MLLT1: variants seen among roughly 807,000 people sequenced by gnomAD.
MLLT1 encodes MLLT1 super elongation complex subunit.
A neutral mutation model predicts 55.1 loss-of-function variants in MLLT1; 11 were observed. The observed-to-expected ratio is 0.20, with a 90% CI of 0.13 to 0.33. The LOEUF is 0.33. Ranked by LOEUF, MLLT1 falls within the 10% of genes least tolerant of loss-of-function variation. The pLI is 1.00. For missense variants in MLLT1, 536 were observed against 760.6 expected, an observed-to-expected ratio of 0.70 and a Z score of 3.47; for synonymous variants, 323 against 320.1, an observed-to-expected ratio of 1.01 and a Z score of -0.10.
intron 10 of MLLT1, 85 bp downstream of exon 10, chr19:6,213,639 TGG>T: frequency 7.6e-7 from 1 of 1,321,550 alleles, no homozygotes; most frequent in Non-Finnish European, 1.1e-6. Flanking sequence ...TGTGGGGTGT[TGG>T]GGGGCTCTGG....
Position 6,222,278 on chromosome 19 carries a change from G to T in MLLT1, c.953C>A (p.Thr318Asn). The change falls in exon 6 of 12, where the codon ACC becomes AAC. Residue 318 changes from threonine to asparagine, a missense_variant. Physicochemically the swap from Thr to Asn is moderately conservative, Grantham distance 65. Transcript: ENST00000252674. The surrounding 1 kb of genome is among the most constrained non-coding windows in gnomAD (Gnocchi z 4.1). ...SRSAPGTSPR[T>N]SSSSSFSDKK... Reference sequence around the variant, plus strand: ...GTCCGAGAAGGAGGAGGAGGAGGAGGTGCGGGGCGAGGTGCCTGGAGCACT... The same window carrying T: ...GTCCGAGAAGGAGGAGGAGGAGGAGTTGCGGGGCGAGGTGCCTGGAGCACT... The T allele has an allele frequency of 6.2e-7, 1 of 1,611,356 alleles. No homozygotes were observed. Among genetic ancestry groups the T allele is most frequent in the Non-Finnish European group, 8.5e-7 (1 of 1,178,984 alleles).
chr19:6,272,753 T>C (rs1333990659), intron 1 of MLLT1, among the ~76,000 whole-genome samples: 1 of 152,198 alleles, frequency 6.6e-6, no homozygotes, highest in African/African-American at 2.4e-5. Context: ...GAGTTCTAAA[T>C]GCTGCTTTTG....
chr19:6,210,545 G>A lies in MLLT1; in HGVS notation c.*2497C>T, dbSNP rs756694095. ...CCAGGAGTTGGTCTCGGGCCGATGA[G>A]TGTCCTAGTTCCTAGTGAGACACGT... On this transcript the variant is annotated 3_prime_UTR_variant, in exon 12 of 12. Transcript: ENST00000252674. This position sits in a 1 kb window ranked among gnomAD's most constrained non-coding sequence, Gnocchi z 4.6. The A allele has an allele frequency of 5.0e-5, 11 of 219,702 alleles. No individual in the cohort carries two copies. Among genetic ancestry groups the A allele is most frequent in the Non-Finnish European group, 9.1e-5 (10 of 109,382 alleles). 13.6% of individuals were successfully genotyped at this position (219,702 alleles called of 1,614,324 possible). A position where few individuals can be genotyped will look rare whatever the true frequency, so the allele number is the denominator to read the frequency against.
At chr19:6,215,186 C>T (rs371763452) in intron 8 of MLLT1, among the ~76,000 whole-genome samples, 4 of 152,374 alleles carry the variant, frequency 2.6e-5, no homozygotes, top group South Asian at 2.1e-4. Context: ...GGGACAAGGC[C>T]GGCAAGCCCT....
At position 6,222,436 on chromosome 19, in the gene MLLT1, G is replaced by C. The variant is rs908990809; in HGVS notation, c.795C>G (p.Ser265Arg). The C allele has an allele frequency of 1.3e-6, 2 of 1,550,680 alleles. No homozygotes were observed. The highest frequency in any genetic ancestry group is 1.7e-6 in the Non-Finnish European group (2 of 1,151,946). ...KMALKETKLESTSPKGGPPPP... is the reference protein window; with the variant it reads ...KMALKETKLERTSPKGGPPPP... ...GTGGGGGCCCACCCTTGGGGGACGT[G>C]CTTTCCAGCTTGGTCTCTTTCAGGG... is the stretch of plus-strand genomic sequence containing the variant. Residue 265 changes from serine (S) to arginine (R), a missense_variant, in exon 6 of 12, where the codon AGC becomes AGG. By Grantham distance (110) the Ser-to-Arg change is moderately radical. This residue lies in a region of MLLT1 where 449 missense variants were observed against 489.0 expected (regional missense o/e 0.92). Transcript: ENST00000252674. This position sits in a 1 kb window ranked among gnomAD's most constrained non-coding sequence, Gnocchi z 4.1.
At chr19:6,225,654 G>C (rs1382211034) in intron 5 of MLLT1, among the ~76,000 whole-genome samples, 2 of 152,190 alleles carry the variant, frequency 1.3e-5, no homozygotes, top group East Asian at 3.9e-4. Flanking sequence ...CGGAGAGGGT[G>C]GAGCCCACAG....
Position 6,256,657 on chromosome 19 carries a change from G to A in MLLT1, c.276+5571C>T, listed in dbSNP as rs1388656687. Among the ~76,000 whole-genome samples the A allele has an allele frequency of 2.0e-5, 3 of 152,092 alleles. No individual in the cohort carries two copies. The highest frequency in any genetic ancestry group is 2.0e-4 in the Admixed American group (3 of 15,270). ...TAGTCCCAGCTACTCGGGAGGCTGAGGCAGGAGAATGGTGTGAACCCGGGA... is the reference window on the plus strand; with the variant it reads ...TAGTCCCAGCTACTCGGGAGGCTGAAGCAGGAGAATGGTGTGAACCCGGGA... On this transcript the variant is annotated intron_variant, in intron 3 of 11. Transcript: ENST00000252674. The surrounding 1 kb of genome is among the most constrained non-coding windows in gnomAD (Gnocchi z 4.1).
chr19:6,231,965 G>A lies in MLLT1; in HGVS notation c.277-1252C>T, dbSNP rs1032418247. Among the ~76,000 whole-genome samples, 5 of 152,102 alleles carry A rather than the reference G, an allele frequency of 3.3e-5. No individual in the cohort carries two copies. Among genetic ancestry groups the A allele is most frequent in the Admixed American group, 2.6e-4 (4 of 15,284 alleles). On this transcript the variant is annotated intron_variant, in intron 3 of 11. Transcript: ENST00000252674. This position sits in a 1 kb window ranked among gnomAD's most constrained non-coding sequence, Gnocchi z 5.1. The stretch of plus-strand genomic sequence containing the variant: ...GAAACAACGTGCATGGGCCGGGCGC[G>A]GTGGCTCACGCCTGTAACCCAGAAC...
Position 6,222,706 on chromosome 19 carries a change from G to C in MLLT1, c.547-22C>G. The C allele has an allele frequency of 6.7e-7, 1 of 1,501,444 alleles. No homozygotes were observed. The highest frequency in any genetic ancestry group is 8.9e-7 in the Non-Finnish European group (1 of 1,129,390). 93.0% of individuals were successfully genotyped at this position (1,501,444 alleles called of 1,614,324 possible). Reference sequence around the variant, plus strand: ...CGTCCTGCAAGGCCAAGAGCAGGGAGGGCAAGGGGAGAGACAAGGTCACGT... The same window carrying C: ...CGTCCTGCAAGGCCAAGAGCAGGGACGGCAAGGGGAGAGACAAGGTCACGT... On this transcript the variant is annotated intron_variant, in intron 5 of 11. Transcript: ENST00000252674. This position sits in a 1 kb window ranked among gnomAD's most constrained non-coding sequence, Gnocchi z 4.1.
rs1166719467 is a variant in MLLT1 at position 6,213,926 on chromosome 19, G to A, written c.1407+13C>T. The stretch of plus-strand genomic sequence containing the variant: ...CCTCTGGTGCACCCCCTGCCTGCAG[G>A]CCCCAGGCTCACCTTGCTGTTGGGC... On this transcript the variant is annotated intron_variant, in intron 9 of 11. Coordinates refer to ENST00000252674, the MANE Select transcript of MLLT1 (RefSeq NM_005934.4). The A allele has an allele frequency of 6.2e-6, 9 of 1,452,342 alleles. No individual in the cohort carries two copies. In the South Asian group the frequency reaches 1.1e-4, roughly 18 times the overall value. 90.0% of individuals were successfully genotyped at this position (1,452,342 alleles called of 1,614,324 possible).
At chr19:6,279,698 C>T in intron 1 of MLLT1, 75 bp downstream of exon 1, 1 of 78,292 alleles carries the variant, frequency 1.3e-5, no homozygotes. Flanking sequence ...AGGCCGGGAC[C>T]GGGGAGGGCC....
At chr19:6,225,450 G>A (rs1465797143) in intron 5 of MLLT1, among the ~76,000 whole-genome samples, 1 of 152,220 alleles carries the variant, frequency 6.6e-6, no homozygotes, top group Non-Finnish European at 1.5e-5. Flanking sequence ...GAAGAGGCCG[G>A]TTCATGGGCC....
At position 6,213,418 on chromosome 19, in the gene MLLT1, G is replaced by C. The variant is rs201066234; in HGVS notation, c.1480-10C>G. 180 of 1,609,754 alleles carry C rather than the reference G, an allele frequency of 1.1e-4. No homozygotes were observed. Among genetic ancestry groups the C allele is most frequent in the Non-Finnish European group, 1.4e-4 (160 of 1,179,110 alleles). Reference sequence around the variant, plus strand: ...GCTCATCCGTGTAGGCCTGGGGAGGGGGGGCAGGTCTCAGCAGCGTGTGGG... The same window carrying C: ...GCTCATCCGTGTAGGCCTGGGGAGGCGGGGCAGGTCTCAGCAGCGTGTGGG... On this transcript the variant is annotated splice_polypyrimidine_tract_variant and intron_variant, in intron 10 of 11. Transcript: ENST00000252674.
chr19:6,227,163 C>T lies in MLLT1; in HGVS notation c.421-61G>A, dbSNP rs1180992569. 2.6e-5 allele frequency: 40 copies of T among 1,535,720 alleles called. No homozygotes were observed. Among genetic ancestry groups the T allele is most frequent in the East Asian group, 5.1e-5 (2 of 39,030 alleles). The stretch of plus-strand genomic sequence containing the variant: ...CAGGGGGCAGGGGGCCCACACGGGC[C>T]GGGCTGAAGGTGGTGGGGCTTCCCT... On this transcript the variant is annotated intron_variant, in intron 4 of 11. Coordinates refer to ENST00000252674, the MANE Select transcript of MLLT1 (RefSeq NM_005934.4). This position sits in a 1 kb window ranked among gnomAD's most constrained non-coding sequence, Gnocchi z 5.1.
In MLLT1 at chr19:6,262,561, G is replaced by GA. The variant is rs763382032; in HGVS notation, c.194-252dup. 1.3e-5 allele frequency among the ~76,000 whole-genome samples: 2 copies of GA among 152,228 alleles called. No individual in the cohort carries two copies. Among genetic ancestry groups the GA allele is most frequent in the African/African-American group, 2.4e-5 (1 of 41,458 alleles). On this transcript the variant is annotated intron_variant, in intron 2 of 11. Coordinates refer to ENST00000252674, the MANE Select transcript of MLLT1 (RefSeq NM_005934.4). This position sits in a 1 kb window ranked among gnomAD's most constrained non-coding sequence, Gnocchi z 4.4. Reference sequence around the variant, plus strand: ...CACCGGCATGGTCAGCAGAGAGTGAGAAGGAACGTTAGCCTGTCATCGGGA... The same window carrying GA: ...CACCGGCATGGTCAGCAGAGAGTGAGAAAGGAACGTTAGCCTGTCATCGGGA...
chr19:6,249,971 T>G, intron 3 of MLLT1, among the ~76,000 whole-genome samples: 1 of 151,860 alleles, frequency 6.6e-6, no homozygotes, highest in Non-Finnish European at 1.5e-5. Context: ...CAATGAGCTG[T>G]TATTACACCA....
intron 3 of MLLT1, among the ~76,000 whole-genome samples, chr19:6,239,529 A>T (rs1230438633): frequency 6.6e-6 from 1 of 152,134 alleles, no homozygotes; most frequent in Non-Finnish European, 1.5e-5. Context: ...AGTCACACTC[A>T]CGCCCACACA....
intron 3 of MLLT1, among the ~76,000 whole-genome samples, chr19:6,245,424 G>A (rs2091158995): frequency 6.6e-6 from 1 of 151,724 alleles, no homozygotes; most frequent in African/African-American, 2.4e-5. Context: ...CTCACCGGAT[G>A]TGAGGGCCGG....
chr19:6,272,059 G>T (rs1334131420), intron 1 of MLLT1, among the ~76,000 whole-genome samples: 1 of 152,220 alleles, frequency 6.6e-6, no homozygotes, highest in East Asian at 1.9e-4. Flanking sequence ...GGAGCCGCTG[G>T]GGCAGGCAGA....
Sources: allele counts gnomAD v4.1 joint callset (sites outside exome capture counted in the v4.1 genomes callset), GRCh38; gene constraint gnomAD v4.1.1; regional missense constraint gnomAD v4.1.1; non-coding constraint Gnocchi (gnomAD v3.1); transcripts MANE v1.5; gene names NCBI Gene and HGNC (gene_info 2026-07-23, HGNC 2026-07-21).